The following SLC29A3 variants were observed in gnomAD, a reference collection of about 807,000 sequenced individuals.
The protein encoded by SLC29A3 is equilibrative nucleoside transporter 3.
In SLC29A3, 18 loss-of-function variants were observed where a neutral mutation model predicts 25.4. That is an observed-to-expected ratio of 0.71 (90% CI 0.49 to 1.05). SLC29A3 has a LOEUF of 1.05. Among genes scored for constraint, SLC29A3 ranks in the 50% least tolerant of loss-of-function variants. The probability of loss-of-function intolerance (pLI) is 0.00; values close to 1 mark genes in which losing one functional copy is unlikely to be tolerated. For missense variants in SLC29A3, 586 were observed against 609.0 expected (o/e 0.96, Z 0.40); for synonymous variants, 258 against 267.1 (o/e 0.97, Z 0.33).
chr10:71,340,674 G>C (rs1197052879), intron 2 of SLC29A3, among the ~76,000 whole-genome samples: 1 of 152,214 alleles, frequency 6.6e-6, no homozygotes, highest in Non-Finnish European at 1.5e-5. Context: ...TAGTCACAGT[G>C]AGTTTGGAGC....
downstream of SLC29A3, chr10:71,365,050 G>C (rs752485642): frequency 6.6e-6 from 1 of 151,880 alleles, no homozygotes; most frequent in African/African-American, 2.4e-5. Flanking sequence ...CCAACATGTC[G>C]AAATCCCGTC....
At chr10:71,328,900 A>G (rs1846043380) in intron 2 of SLC29A3, among the ~76,000 whole-genome samples, 1 of 152,142 alleles carries the variant, frequency 6.6e-6, no homozygotes, top group Non-Finnish European at 1.5e-5. Context: ...CCAGTCTCTC[A>G]GCCCTGCAAA....
chr10:71,361,726 C>T (rs772136026), intron 5 of SLC29A3, among the ~76,000 whole-genome samples: 2 of 152,236 alleles, frequency 1.3e-5, no homozygotes, highest in African/African-American at 4.8e-5. Flanking sequence ...TCTGTCCCTG[C>T]TCATGGCATG....
chr10:71,377,373 G>A (rs1342317853), intron 4 of SLC29A3, among the ~76,000 whole-genome samples: 2 of 152,242 alleles, frequency 1.3e-5, no homozygotes, highest in Non-Finnish European at 2.9e-5. Context: ...TGGCTATGCC[G>A]AGCCCGCCGC....
At chr10:71,344,373 T>C in intron 3 of SLC29A3, 82 bp downstream of exon 3, 2 of 1,085,270 alleles carry the variant, frequency 1.8e-6, no homozygotes, top group Non-Finnish European at 2.8e-6. Context: ...AGCTGCTTTT[T>C]TTCTGCCTAC....
chr10:71,371,072 C>T (rs922495096), intron 3 of SLC29A3, among the ~76,000 whole-genome samples: 3 of 152,154 alleles, frequency 2.0e-5, no homozygotes, highest in South Asian at 2.1e-4. Flanking sequence ...TGAGTCATCG[C>T]GCTTGGCCCG....
At chr10:71,324,372 T>G (rs1421581755) in intron 2 of SLC29A3, among the ~76,000 whole-genome samples, 1 of 152,196 alleles carries the variant, frequency 6.6e-6, no homozygotes, top group Non-Finnish European at 1.5e-5. Flanking sequence ...TATTCCTGGT[T>G]CTGTAAGACC....
intron 3 of SLC29A3, among the ~76,000 whole-genome samples, chr10:71,371,715 T>C (rs914614450): frequency 1.3e-5 from 2 of 152,226 alleles, no homozygotes; most frequent in Non-Finnish European, 2.9e-5. Context: ...TGTGTCTCTG[T>C]TTCCTTATCT....
chr10:71,351,926 G>C (rs1483793986), intron 4 of SLC29A3, 138 bp downstream of exon 4: 1 of 820,654 alleles, frequency 1.2e-6, no homozygotes, highest in East Asian at 2.7e-5. Flanking sequence ...ATCTAGTGTT[G>C]TAGAACAACA....
At chr10:71,380,701 G>A (rs1181903541) in exon 5 of SLC29A3, 2 of 152,098 alleles carry the variant, frequency 1.3e-5, no homozygotes, top group African/African-American at 4.8e-5. Context: ...AGACAGAAAG[G>A]GTTACTTTGG....
intron 4 of SLC29A3, among the ~76,000 whole-genome samples, chr10:71,377,861 T>C (rs997991151): frequency 2.9e-4 from 7 of 24,418 alleles, no homozygotes; most frequent in African/African-American, 1.5e-3. Context: ...CTGTCCCAAG[T>C]TGTAAATGAG....
chr10:71,351,878 G>GA, intron 4 of SLC29A3, 90 bp downstream of exon 4: 6 of 1,176,760 alleles, frequency 5.1e-6, no homozygotes, highest in Non-Finnish European at 7.3e-6. Context: ...GGCCTTTTCT[G>GA]AAAAGGAAAT....
At chr10:71,363,619 A>G (rs1307966798), downstream of SLC29A3, among the ~76,000 whole-genome samples, 2 of 151,554 alleles carry the variant, frequency 1.3e-5, no homozygotes, top group African/African-American at 2.4e-5. Flanking sequence ...GCACACCACC[A>G]TGCCTCGCTA....
chr10:71,367,911 G>T (rs948088572), downstream of SLC29A3, among the ~76,000 whole-genome samples: 2 of 152,132 alleles, frequency 1.3e-5, no homozygotes, highest in Non-Finnish European at 2.9e-5. Context: ...ACGTCCTGCT[G>T]GTGCCCTTTT....
chr10:71,376,717 T>C (rs7096915), intron 4 of SLC29A3, among the ~76,000 whole-genome samples: 137,564 of 152,280 alleles, frequency 0.9, 62,658 homozygotes, highest in African/African-American at 0.98. Context: ...CCTGAATGTA[T>C]ATGCTGAGTA....
chr10:71,376,938 G>T (rs1232311415), intron 4 of SLC29A3, among the ~76,000 whole-genome samples: 1 of 152,112 alleles, frequency 6.6e-6, no homozygotes, highest in Non-Finnish European at 1.5e-5. Flanking sequence ...ACCACGCCCG[G>T]CTAATTTTTA....
rs116784765 is a variant in SLC29A3, at chr10:71,334,821, C to G, written c.301-9388C>G. Reference sequence around the variant, plus strand: ...AGGCTTGAGCACATCAAGCTCATTCCCGACTCAGGGCCAACCGTACGCTGT... The same window carrying G: ...AGGCTTGAGCACATCAAGCTCATTCGCGACTCAGGGCCAACCGTACGCTGT... On this transcript the variant is annotated intron_variant, in intron 2 of 5. Coordinates refer to ENST00000373189, the MANE Select transcript of SLC29A3 (RefSeq NM_018344.6). Among the ~76,000 whole-genome samples, 611 of 152,302 alleles carry G rather than the reference C, an allele frequency of 4.0e-3. 4 individuals are homozygous for G. Among genetic ancestry groups the G allele is most frequent in the African/African-American group, 0.014 (594 of 41,566 alleles).
rs776041459 is a variant in SLC29A3 at position 71,344,280 on chromosome 10, G to T, written c.372G>T (p.Leu124=). ...PSMLCLVANF[L]LVNRVAVHIR... is the part of the protein sequence containing the mutation. ...TGCTGTGCCTGGTGGCCAACTTCCT[G>T]CTTGTCAACAGGTAGGCGACTCTCT... Residue 124 remains leucine (L), a synonymous_variant, in exon 3 of 6, where the codon CTG becomes CTT. Coordinates refer to ENST00000373189, the MANE Select transcript of SLC29A3 (RefSeq NM_018344.6). 10 of 1,613,852 alleles carry T rather than the reference G, an allele frequency of 6.2e-6. No individual in the cohort carries two copies. In the South Asian group the frequency reaches 9.9e-5, roughly 16 times the overall value.
chr10:71,368,957 C>T (rs1847191151), intron 3 of SLC29A3, among the ~76,000 whole-genome samples: 1 of 152,192 alleles, frequency 6.6e-6, no homozygotes, highest in African/African-American at 2.4e-5. Flanking sequence ...ATGTTTGTGT[C>T]CTCCCCAAAT....
Sources: gnomAD v4.1 joint callset for allele counts (sites outside exome capture counted in the v4.1 genomes callset) on GRCh38, gnomAD v4.1.1 for gene constraint, MANE v1.5 for transcripts, NCBI Gene and HGNC (gene_info 2026-07-23, HGNC 2026-07-21) for gene names.